The following TLL2 variants were observed in gnomAD, a reference collection of about 807,000 sequenced individuals.
TLL2 encodes the protein tolloid-like protein 2.
In TLL2, 106 loss-of-function variants were observed where a neutral mutation model predicts 123.0. That is an observed-to-expected ratio of 0.86 (90% CI 0.74 to 1.01). TLL2 has a LOEUF of 1.01. TLL2 is among the 50% of genes least tolerant of loss of function. The pLI is 0.00. For synonymous variants in TLL2, 494 were observed against 516.8 expected (o/e 0.96, Z 0.60); for missense variants, 1,332 against 1,336.7 (o/e 1.00, Z 0.06).
At chr10:96,382,221 G>C (rs1846192258) in intron 16 of TLL2, among the ~76,000 whole-genome samples, 1 of 152,226 alleles carries the variant, frequency 6.6e-6, no homozygotes, top group South Asian at 2.1e-4. Flanking sequence ...AGTAGAGACG[G>C]GGTTTCACCA....
rs372575861 is a variant in TLL2 at position 96,384,613 on chromosome 10, C to T, written c.2168G>A (p.Arg723His). ...EFKSDNTVSK[R>H]GFRAHFFSDK... is the part of the protein sequence containing the mutation. ...TGAGAAGAAGTGGGCCCTGAAGCCG[C>T]GCTTGGAGACGGTGTTGTCGGACTT... Residue 723 changes from arginine to histidine, a missense_variant, in exon 16 of 21, where the codon CGC (arginine) becomes CAC (histidine). Physicochemically the swap from Arg to His is conservative, Grantham distance 29 (BLOSUM62 0). Transcript: ENST00000357947. 1.9e-5 allele frequency: 31 copies of T among 1,602,094 alleles called. No homozygotes were observed. The highest frequency in any genetic ancestry group is 2.4e-5 in the Non-Finnish European group (28 of 1,171,936).
chr10:96,500,188 C>T (rs545817327), intron 1 of TLL2, among the ~76,000 whole-genome samples: 1 of 149,304 alleles, frequency 6.7e-6, no homozygotes, highest in South Asian at 2.1e-4. Context: ...TGTTGTGGTG[C>T]ACACCTATAG....
chr10:96,485,145 A>G (rs1847345533), intron 1 of TLL2, among the ~76,000 whole-genome samples: 1 of 152,246 alleles, frequency 6.6e-6, no homozygotes, highest in Non-Finnish European at 1.5e-5. Context: ...CAAGTGAATC[A>G]ATGACCTAAA....
Position 96,386,088 on chromosome 10 carries a change from A to G in TLL2, c.1980T>C (p.Leu660=), listed in dbSNP as rs755050745. The change falls in exon 15 of 21, where the codon CTT becomes CTC. Residue 660 remains leucine, a synonymous_variant. Coordinates refer to ENST00000357947, the MANE Select transcript of TLL2 (RefSeq NM_012465.4). The part of the protein sequence containing the change: ...VVAPAQYRIS[L]QFEVFELEGN... ...CTTCCAGTTCAAACACTTCAAACTG[A>G]AGGGAGATCCGGTACTGAGCGGGGG... 1.2e-6 allele frequency: 2 copies of G among 1,609,202 alleles called. No homozygotes were observed. Among genetic ancestry groups the G allele is most frequent in the Non-Finnish European group, 1.7e-6 (2 of 1,177,910 alleles).
At chr10:96,380,249 T>C (rs1846173682) in intron 16 of TLL2, among the ~76,000 whole-genome samples, 1 of 152,136 alleles carries the variant, frequency 6.6e-6, no homozygotes, top group African/African-American at 2.4e-5. Flanking sequence ...GTTCCTGCAT[T>C]TACCAAAGAT....
intron 3 of TLL2, among the ~76,000 whole-genome samples, chr10:96,444,576 T>C (rs1358267627): frequency 6.6e-6 from 1 of 152,192 alleles, no homozygotes; most frequent in East Asian, 1.9e-4. Context: ...TCTGTATATA[T>C]ATCAATGTAT....
intron 10 of TLL2, among the ~76,000 whole-genome samples, chr10:96,403,964 C>T (rs1270598382): frequency 1.5e-5 from 2 of 136,230 alleles, no homozygotes; most frequent in African/African-American, 5.2e-5. Flanking sequence ...GGCATAGTAC[C>T]TTCCCTTGAA....
intron 17 of TLL2, 31 bp downstream of exon 17, chr10:96,378,936 G>A (rs200574637): frequency 5.6e-6 from 9 of 1,610,826 alleles, no homozygotes; most frequent in East Asian, 2.2e-5. Flanking sequence ...AGGGCAGCCC[G>A]CCCCCCCAAC....
rs146716677 is a variant in TLL2, at chr10:96,498,921, T to C, written c.175+14590A>G. 7.7e-3 allele frequency among the ~76,000 whole-genome samples: 1,170 copies of C among 152,274 alleles called. 18 individuals carry two copies. The highest frequency in any genetic ancestry group is 0.027 in the African/African-American group (1,122 of 41,554). Reference sequence around the variant, plus strand: ...TCAGCCCAGAATGGAGACCTCCAGATTTTGATGTGAGAAAAAAATAGACTT... The same window carrying C: ...TCAGCCCAGAATGGAGACCTCCAGACTTTGATGTGAGAAAAAAATAGACTT... On this transcript the variant is annotated intron_variant, in intron 1 of 20. Coordinates refer to ENST00000357947, the MANE Select transcript of TLL2 (RefSeq NM_012465.4).
At chr10:96,504,731 G>A (rs759922605) in intron 1 of TLL2, among the ~76,000 whole-genome samples, 1 of 152,224 alleles carries the variant, frequency 6.6e-6, no homozygotes, top group Non-Finnish European at 1.5e-5. Flanking sequence ...TGAGGGCCAG[G>A]AGCAGTGGCT....
intron 19 of TLL2, among the ~76,000 whole-genome samples, chr10:96,372,282 A>G (rs183081788): frequency 6.6e-6 from 1 of 152,164 alleles, no homozygotes; most frequent in East Asian, 1.9e-4. Flanking sequence ...GACCTAATTT[A>G]TATTTTCCGG....
intron 1 of TLL2, among the ~76,000 whole-genome samples, chr10:96,499,175 AG>A (rs1847507711): frequency 1.3e-5 from 2 of 152,228 alleles, no homozygotes; most frequent in African/African-American, 4.8e-5. Context: ...ACCCATGGGA[AG>A]GGCTGCCAGC....
chr10:96,462,841 G>C (rs1847093512), intron 2 of TLL2, among the ~76,000 whole-genome samples: 1 of 152,156 alleles, frequency 6.6e-6, no homozygotes, highest in Non-Finnish European at 1.5e-5. Flanking sequence ...CACTATACTT[G>C]GGGGCCATGT....
chr10:96,459,403 C>G (rs1847050828), intron 2 of TLL2, among the ~76,000 whole-genome samples: 1 of 151,442 alleles, frequency 6.6e-6, no homozygotes, highest in Non-Finnish European at 1.5e-5. Context: ...TTGAGGCAGG[C>G]AGATCACGCT....
At chr10:96,505,399 G>T (rs770967146) in intron 1 of TLL2, among the ~76,000 whole-genome samples, 3 of 152,232 alleles carry the variant, frequency 2.0e-5, no homozygotes, top group Non-Finnish European at 4.4e-5. Context: ...TGGTTGTTCA[G>T]ATATTTAGTT....
chr10:96,476,248 T>TTTTTTTTTTTG (rs1285354320), intron 2 of TLL2, among the ~76,000 whole-genome samples: 5,859 of 67,030 alleles, frequency 0.087, 686 homozygotes, highest in East Asian at 0.24. Flanking sequence ...ATATTTTATT[T>TTTTTTTTTTTG]TTGTTGTTGT....
intron 16 of TLL2, 98 bp from the exon 17 acceptor site, chr10:96,379,190 C>T (rs1321117472): frequency 6.8e-7 from 1 of 1,462,926 alleles, no homozygotes; most frequent in African/African-American, 1.4e-5. Context: ...TCTGGGAAGC[C>T]TCTCTGATTG....
chr10:96,500,957 T>C (rs1252299484), intron 1 of TLL2, among the ~76,000 whole-genome samples: 1 of 152,238 alleles, frequency 6.6e-6, no homozygotes, highest in African/African-American at 2.4e-5. Context: ...AGCATCTTTA[T>C]TGTCATAGAG....
chr10:96,407,902 C>T (rs186679101), intron 9 of TLL2, among the ~76,000 whole-genome samples: 14 of 152,352 alleles, frequency 9.2e-5, no homozygotes, highest in South Asian at 4.1e-4. Flanking sequence ...CATGTGTGTG[C>T]GCACGCTGTC....
Sources: allele counts gnomAD v4.1 joint callset (sites outside exome capture counted in the v4.1 genomes callset), GRCh38; gene constraint gnomAD v4.1.1; transcripts MANE v1.5; gene names NCBI Gene and HGNC (gene_info 2026-07-23, HGNC 2026-07-21).